Variants in PCDHA11 observed in about 807,000 individuals in gnomAD.
The protein encoded by PCDHA11 is protocadherin alpha 11, also known as protocadherin alpha-11.
A neutral mutation model predicts 70.3 loss-of-function variants in PCDHA11; 61 were observed. The observed-to-expected ratio is 0.87, with a 90% CI of 0.71 to 1.07. PCDHA11 has a LOEUF of 1.07. PCDHA11 is among the 50% of genes least tolerant of loss of function. The pLI is 0.00. For synonymous variants in PCDHA11, 633 were observed against 555.1 expected (o/e 1.14, Z -1.97); for missense variants, 1,324 against 1,237.5 (o/e 1.07, Z -1.05).
intron 1 of PCDHA11, among the ~76,000 whole-genome samples, chr5:140,941,058 T>C (rs1554213707): frequency 6.6e-6 from 1 of 152,106 alleles, no homozygotes; most frequent in East Asian, 1.9e-4. Context: ...TCCCCAGCAG[T>C]TTTCTGGGCT....
At chr5:140,890,718 T>A (rs2062769103) in intron 1 of PCDHA11, among the ~76,000 whole-genome samples, 1 of 152,212 alleles carries the variant, frequency 6.6e-6, no homozygotes, top group Non-Finnish European at 1.5e-5. Context: ...AAAATCTTTT[T>A]AATCCCTTTT....
At chr5:140,911,592 A>G (rs1255304289) in intron 1 of PCDHA11, among the ~76,000 whole-genome samples, 1 of 152,212 alleles carries the variant, frequency 6.6e-6, no homozygotes, top group Non-Finnish European at 1.5e-5. Flanking sequence ...GGAGGAACCA[A>G]CCAACTTCAT....
rs782562142 is a variant in PCDHA11, at chr5:140,870,999, A to G, written c.1896A>G (p.Thr632=). The change falls in exon 1 of 4, where the codon ACA becomes ACG. Residue 632 remains threonine, a synonymous_variant. Coordinates refer to ENST00000398640, the MANE Select transcript of PCDHA11 (RefSeq NM_018902.5). ...GGCTGTACACGGGCGAGATAAGCAC[A>G]ACGCGTGCCCTGGACGAGGCAGACT... The part of the protein sequence containing the change: ...RVGLYTGEIS[T]TRALDEADSP... The G allele has an allele frequency of 1.2e-6, 2 of 1,613,456 alleles. No individual in the cohort carries two copies. The highest frequency in any genetic ancestry group is 3.3e-5 in the Admixed American group (2 of 60,018).
At chr5:140,954,214 T>C (rs1186171676) in intron 1 of PCDHA11, among the ~76,000 whole-genome samples, 1 of 152,254 alleles carries the variant, frequency 6.6e-6, no homozygotes, top group African/African-American at 2.4e-5. Flanking sequence ...TCCCATGTTT[T>C]TGCTATTGTG....
chr5:140,895,023 T>C (rs781895966), intron 1 of PCDHA11, among the ~76,000 whole-genome samples: 2 of 152,204 alleles, frequency 1.3e-5, no homozygotes, highest in Non-Finnish European at 2.9e-5. Flanking sequence ...TTTCCTTTGT[T>C]TAATTGTCCC....
intron 1 of PCDHA11, chr5:140,969,231 C>A (rs782084659): frequency 6.2e-7 from 1 of 1,614,110 alleles, no homozygotes; most frequent in Non-Finnish European, 8.5e-7. Context: ...CCTTCGGGAG[C>A]CCAAGCAGCA....
At position 140,927,570 on chromosome 5, in the gene PCDHA11, A is replaced by G. The variant is rs568227710; in HGVS notation, c.2392-51379A>G. 5.0e-5 allele frequency: 80 copies of G among 1,614,066 alleles called. 1 individual carries two copies. Among genetic ancestry groups the G allele is most frequent in the Middle Eastern group, 4.9e-4 (3 of 6,084 alleles). On this transcript the variant is annotated intron_variant, in intron 1 of 3. Transcript: ENST00000398640. ...AAGTCACCATCATTGTGGTGGACAC[A>G]AATGACAACGCGCCTGTATTTGAGC...
chr5:140,904,287 G>A (rs2071024041), intron 1 of PCDHA11, among the ~76,000 whole-genome samples: 1 of 151,908 alleles, frequency 6.6e-6, no homozygotes, highest in Non-Finnish European at 1.5e-5. Context: ...TGTGGTGTTT[G>A]GTTTTCCATT....
In PCDHA11 at chr5:140,882,450, C is replaced by A. The variant is rs781827745; in HGVS notation, c.2391+10956C>A. On this transcript the variant is annotated intron_variant, in intron 1 of 3. Transcript: ENST00000398640. ...GGGCTGGAGCTGGCGGAGCTGGTGC[C>A]GCGCCTGTTCCGGGTGGCGTCCAAA... The A allele has an allele frequency of 1.7e-5, 28 of 1,613,872 alleles. No individual in the cohort carries two copies. In the East Asian group the frequency reaches 4.5e-4, roughly 26 times the overall value.
intron 1 of PCDHA11, chr5:140,928,743 G>C: frequency 6.2e-7 from 1 of 1,614,138 alleles, no homozygotes; most frequent in Non-Finnish European, 8.5e-7. Context: ...ATATAGGTGA[G>C]CTCCGTACTG....
intron 3 of PCDHA11, among the ~76,000 whole-genome samples, chr5:141,000,393 C>CTATA (rs1563650230): frequency 1.3e-4 from 7 of 52,858 alleles, no homozygotes; most frequent in Admixed American, 2.8e-4. Context: ...CTCTCTCTCT[C>CTATA]TCTATATATA....
In PCDHA11 at chr5:140,910,096, C is replaced by G. The variant is rs1583731198; in HGVS notation, c.2391+38602C>G. On this transcript the variant is annotated intron_variant, in intron 1 of 3. Coordinates refer to ENST00000398640, the MANE Select transcript of PCDHA11 (RefSeq NM_018902.5). ...ATTGTTGTCAAGGGGAACCAGCCTCCCCTTCATTTAAGGGATTCTAGGTCT... is the reference window on the plus strand; with the variant it reads ...ATTGTTGTCAAGGGGAACCAGCCTCGCCTTCATTTAAGGGATTCTAGGTCT... Among the ~76,000 whole-genome samples the G allele has an allele frequency of 2.6e-5, 4 of 152,262 alleles. No individual in the cohort carries two copies. The East Asian group carries it at 7.7e-4, about 29-fold the overall frequency.
intron 1 of PCDHA11, chr5:140,966,586 T>C (rs1339521044): frequency 5.5e-6 from 3 of 548,910 alleles, no homozygotes; most frequent in Non-Finnish European, 8.8e-6. Flanking sequence ...GCGAGGACGG[T>C]GGGGCCAGGA....
At chr5:140,985,373 C>T (rs1228293287) in intron 3 of PCDHA11, among the ~76,000 whole-genome samples, 1 of 152,106 alleles carries the variant, frequency 6.6e-6, no homozygotes, top group Non-Finnish European at 1.5e-5. Flanking sequence ...TTATCTGGGT[C>T]TATATAATCC....
intron 1 of PCDHA11, among the ~76,000 whole-genome samples, chr5:140,938,203 C>T (rs1181415730): frequency 6.6e-6 from 1 of 152,146 alleles, no homozygotes; most frequent in Non-Finnish European, 1.5e-5. Flanking sequence ...ACGCCAGCCT[C>T]CCAAAGTGCT....
chr5:140,872,477 A>G (rs968507113), intron 1 of PCDHA11, among the ~76,000 whole-genome samples: 3 of 152,118 alleles, frequency 2.0e-5, no homozygotes, highest in African/African-American at 7.2e-5. Flanking sequence ...AAATTAAAAA[A>G]TTAGCCAGAC....
chr5:140,991,019 T>G (rs1333119856), intron 3 of PCDHA11, among the ~76,000 whole-genome samples: 1 of 152,178 alleles, frequency 6.6e-6, no homozygotes, highest in Non-Finnish European at 1.5e-5. Flanking sequence ...GATAAGCACT[T>G]TACATATGTT....
chr5:141,003,074 G>A (rs941146075), intron 3 of PCDHA11, among the ~76,000 whole-genome samples: 2 of 152,224 alleles, frequency 1.3e-5, no homozygotes, highest in Non-Finnish European at 2.9e-5. Flanking sequence ...GCAGATGAGG[G>A]TGAGTTTAAC....
At chr5:140,988,026 T>A (rs1405610277) in intron 3 of PCDHA11, among the ~76,000 whole-genome samples, 1 of 152,152 alleles carries the variant, frequency 6.6e-6, no homozygotes, top group Non-Finnish European at 1.5e-5. Context: ...GATTCTTAAG[T>A]TTTTTAGAAT....
Sources: allele counts gnomAD v4.1 joint callset (sites outside exome capture counted in the v4.1 genomes callset), GRCh38; gene constraint gnomAD v4.1.1; transcripts MANE v1.5; gene names NCBI Gene and HGNC (gene_info 2026-07-23, HGNC 2026-07-21).